Variants in RASAL2 observed in about 807,000 individuals in gnomAD.
The protein encoded by RASAL2 is RAS protein activator like 2, also known as ras GTPase-activating protein nGAP.
A neutral mutation model predicts 128.9 loss-of-function variants in RASAL2; 58 were observed. The observed-to-expected ratio is 0.45, with a 90% confidence interval of 0.36 to 0.56. The LOEUF is 0.56. Among genes scored for constraint, RASAL2 ranks in the 20% least tolerant of loss-of-function variants. The pLI is 0.00. For missense variants in RASAL2, 1,360 were observed against 1,601.6 expected, an observed-to-expected ratio of 0.85 and a Z score of 2.57; for synonymous variants, 561 against 580.8, an observed-to-expected ratio of 0.97 and a Z score of 0.49.
intron 3 of RASAL2, among the ~76,000 whole-genome samples, chr1:178,307,598 A>T (rs1436603006): frequency 1.3e-5 from 2 of 152,322 alleles, no homozygotes; most frequent in Admixed American, 6.5e-5. Context: ...AACTTCTTTT[A>T]AAAAAACCAA....
At chr1:178,459,886 A>G (rs1267101508) in intron 14 of RASAL2, among the ~76,000 whole-genome samples, 1 of 152,204 alleles carries the variant, frequency 6.6e-6, no homozygotes, top group African/African-American at 2.4e-5. Context: ...TTTGAAGAAA[A>G]GGAAAAATAG....
chr1:178,129,430 T>G (rs60089953), intron 1 of RASAL2, among the ~76,000 whole-genome samples: 7 of 152,076 alleles, frequency 4.6e-5, no homozygotes, highest in Non-Finnish European at 1.5e-5. Flanking sequence ...TTGTCCATTT[T>G]AAAATTGGGC....
intron 1 of RASAL2, among the ~76,000 whole-genome samples, chr1:178,121,984 T>TC (rs1214458194): frequency 6.6e-6 from 1 of 152,186 alleles, no homozygotes; most frequent in East Asian, 1.9e-4. Context: ...TGGTTTTTTT[T>TC]CTGGAGGCTT....
At chr1:178,407,149 A>T (rs1343266561) in intron 4 of RASAL2, among the ~76,000 whole-genome samples, 1 of 152,200 alleles carries the variant, frequency 6.6e-6, no homozygotes, top group Non-Finnish European at 1.5e-5. Context: ...CTAGAGGATA[A>T]ACTACCCATA....
At chr1:178,344,462 T>C (rs969265628) in intron 3 of RASAL2, among the ~76,000 whole-genome samples, 1 of 152,210 alleles carries the variant, frequency 6.6e-6, no homozygotes, top group Non-Finnish European at 1.5e-5. Context: ...AATTCTTTAC[T>C]CATGAAAGTT....
intron 1 of RASAL2, among the ~76,000 whole-genome samples, chr1:178,188,142 C>T (rs1662370185): frequency 6.6e-6 from 1 of 152,146 alleles, no homozygotes; most frequent in Non-Finnish European, 1.5e-5. Flanking sequence ...ATCCTACTTA[C>T]ATACACTTTA....
chr1:178,139,348 T>C (rs1660447864), intron 1 of RASAL2, among the ~76,000 whole-genome samples: 2 of 152,122 alleles, frequency 1.3e-5, no homozygotes, highest in South Asian at 4.1e-4. Flanking sequence ...TCAGATGATC[T>C]ACACTAAATC....
At chr1:178,182,445 T>C (rs914934763) in intron 1 of RASAL2, among the ~76,000 whole-genome samples, 1 of 152,202 alleles carries the variant, frequency 6.6e-6, no homozygotes, top group Non-Finnish European at 1.5e-5. Context: ...TACTGGGGCA[T>C]CGTTGCTTCT....
chr1:178,214,499 A>C (rs904295089), intron 1 of RASAL2, among the ~76,000 whole-genome samples: 14 of 152,152 alleles, frequency 9.2e-5, no homozygotes, highest in Admixed American at 4.6e-4. Flanking sequence ...TATGTTTCAC[A>C]TAGTAGCTGC....
chr1:178,254,817 A>G (rs951147750), intron 1 of RASAL2, among the ~76,000 whole-genome samples: 2 of 152,218 alleles, frequency 1.3e-5, no homozygotes, highest in Non-Finnish European at 1.5e-5. Flanking sequence ...ACAGCCAGAA[A>G]GCTCAGTGAA....
At chr1:178,145,908 C>T (rs1000465562) in intron 1 of RASAL2, among the ~76,000 whole-genome samples, 8 of 152,306 alleles carry the variant, frequency 5.3e-5, no homozygotes, top group Middle Eastern at 3.4e-3. Flanking sequence ...AACTCACACA[C>T]ATAGTCATAC....
At chr1:178,101,318 T>TA (rs774778601) in intron 1 of RASAL2, among the ~76,000 whole-genome samples, 17 of 152,320 alleles carry the variant, frequency 1.1e-4, no homozygotes, top group Non-Finnish European at 1.9e-4. Flanking sequence ...GTCTGAATTT[T>TA]ACCTTCCCTT....
At chr1:178,373,069 A>G (rs561000705) in intron 3 of RASAL2, among the ~76,000 whole-genome samples, 15 of 152,062 alleles carry the variant, frequency 9.9e-5, no homozygotes, top group Non-Finnish European at 1.6e-4. Context: ...ATTTTCCTAG[A>G]TATAAGTATG....
intron 1 of RASAL2, among the ~76,000 whole-genome samples, chr1:178,266,635 C>G (rs1665964832): frequency 6.6e-6 from 1 of 152,078 alleles, no homozygotes; most frequent in South Asian, 2.1e-4. Context: ...AAGAAGCTAC[C>G]CTGTACAGAG....
chr1:178,118,536 C>G (rs187894293), intron 1 of RASAL2, among the ~76,000 whole-genome samples: 34 of 152,250 alleles, frequency 2.2e-4, no homozygotes, highest in African/African-American at 7.2e-4. Flanking sequence ...CTGGCTTAGT[C>G]ACAAATGGGT....
At chr1:178,260,832 T>G (rs1479343201) in intron 1 of RASAL2, among the ~76,000 whole-genome samples, 1 of 152,162 alleles carries the variant, frequency 6.6e-6, no homozygotes, top group Non-Finnish European at 1.5e-5. Context: ...CCCACTTACT[T>G]CTGCACCCAT....
rs148647806 is a variant in RASAL2 at position 178,393,087 on chromosome 1, C to T, written c.564+2881C>T. Among the ~76,000 whole-genome samples the T allele has an allele frequency of 4.0e-3, 613 of 152,212 alleles. 7 individuals are homozygous for T. The highest frequency in any genetic ancestry group is 0.014 in the African/African-American group (594 of 41,530). ...AAATGTATTTGTACTCTTATCTAAT[C>T]ATAGCCATAAGAAAAAGTAGTGGTC... is the stretch of plus-strand genomic sequence containing the variant. On this transcript the variant is annotated intron_variant, in intron 4 of 17. Transcript: ENST00000367649.
intron 1 of RASAL2, among the ~76,000 whole-genome samples, chr1:178,163,808 A>G (rs1661419691): frequency 6.6e-6 from 1 of 152,192 alleles, no homozygotes; most frequent in Non-Finnish European, 1.5e-5. Context: ...CTGCATAATA[A>G]AACCATTTGG....
At chr1:178,199,282 C>T (rs35038893) in intron 1 of RASAL2, among the ~76,000 whole-genome samples, 13,290 of 152,244 alleles carry the variant, frequency 0.087, 616 homozygotes, top group Middle Eastern at 0.14. Flanking sequence ...GCCCCACCCT[C>T]CTTCAGCTCG....
Sources: allele counts gnomAD v4.1 joint callset (sites outside exome capture counted in the v4.1 genomes callset), GRCh38; gene constraint gnomAD v4.1.1; transcripts MANE v1.5; gene names NCBI Gene and HGNC (gene_info 2026-07-23, HGNC 2026-07-21).